Variants in KIF5A observed in about 807,000 individuals in gnomAD.
KIF5A encodes the protein kinesin heavy chain isoform 5A.
A neutral mutation model predicts 141.3 loss-of-function variants in KIF5A; 35 were observed. The ratio of observed to expected loss-of-function variants is 0.25; its 90% CI spans 0.19 to 0.33. The LOEUF (loss-of-function observed/expected upper bound fraction) is 0.33. Ranked by LOEUF, KIF5A falls within the 10% of genes least tolerant of loss-of-function variation. KIF5A has a pLI of 1.00. For missense variants in KIF5A, 861 were observed against 1,314.3 expected (o/e 0.66, Z 5.33); for synonymous variants, 448 against 500.2 (o/e 0.90, Z 1.39).
intron 13 of KIF5A, 85 bp from the exon 14 acceptor site, chr12:57,571,976 G>T: frequency 8.9e-7 from 1 of 1,120,300 alleles, no homozygotes; most frequent in Non-Finnish European, 1.3e-6. Flanking sequence ...TTTGGGTAGG[G>T]TGGGGGCTCA....
intron 21 of KIF5A, 62 bp downstream of exon 21, chr12:57,577,835 C>T (rs1009663425): frequency 2.1e-5 from 30 of 1,428,064 alleles, no homozygotes; most frequent in Admixed American, 1.2e-4. Context: ...TTCATTTCTT[C>T]CTAACCCTAT....
intron 17 of KIF5A, 111 bp from the exon 18 acceptor site, chr12:57,575,976 G>C (rs1430258696): frequency 9.3e-7 from 1 of 1,071,516 alleles, no homozygotes; most frequent in African/African-American, 1.5e-5. Context: ...TAACACAGAA[G>C]AACATCCCTG....
intron 23 of KIF5A, among the ~76,000 whole-genome samples, chr12:57,579,039 A>G (rs980438876): frequency 6.6e-6 from 1 of 152,026 alleles, no homozygotes; most frequent in Non-Finnish European, 1.5e-5. Flanking sequence ...ACTCCAGCCT[A>G]GGTGACAGAG....
At position 57,585,428 on chromosome 12, in the gene KIF5A, A is replaced by G. The variant is rs758822908; in HGVS notation, c.*1247A>G. 3.2e-5 allele frequency: 5 copies of G among 154,450 alleles called. No homozygotes were observed. Among genetic ancestry groups the G allele is most frequent in the Non-Finnish European group, 5.9e-5 (4 of 68,280 alleles). 9.6% of individuals were successfully genotyped at this position (154,450 alleles called of 1,614,324 possible). On this transcript the variant is annotated 3_prime_UTR_variant, in exon 29 of 29. Transcript: ENST00000455537. The stretch of plus-strand genomic sequence containing the variant: ...GACCCTGAGGGGTCTTCTCCCAGCC[A>G]TTCTCAGCCCATATGCAGCACCCTC...
intron 26 of KIF5A, among the ~76,000 whole-genome samples, chr12:57,582,172 A>C (rs1882627268): frequency 6.6e-6 from 1 of 152,126 alleles, no homozygotes; most frequent in African/African-American, 2.4e-5. Flanking sequence ...TGAGCTCAGG[A>C]GCTTAAGGCT....
chr12:57,563,290 C>A, intron 1 of KIF5A, 149 bp from the exon 2 acceptor site: 1 of 708,768 alleles, frequency 1.4e-6, no homozygotes, highest in Non-Finnish European at 2.6e-6. Context: ...CAGGTGTGAG[C>A]CACCACGCCC....
At chr12:57,561,567 T>C (rs920524822) in intron 1 of KIF5A, among the ~76,000 whole-genome samples, 10 of 152,184 alleles carry the variant, frequency 6.6e-5, no homozygotes, top group Non-Finnish European at 1.2e-4. Flanking sequence ...AGGATTTTTT[T>C]CTATAAGCCA....
Position 57,572,866 on chromosome 12 carries a change from AG to A in KIF5A, c.1716+142del, listed in dbSNP as rs1882298535. 1 of 1,046,668 alleles carries A rather than the reference AG, an allele frequency of 9.6e-7. No individual in the cohort carries two copies. The highest frequency in any genetic ancestry group is 1.5e-6 in the Non-Finnish European group (1 of 671,818). The allele number at this position is 1,046,668 out of a possible 1,614,324, so 64.8% of individuals were successfully genotyped here. A position where few individuals can be genotyped will look rare whatever the true frequency, so the allele number is the denominator to read the frequency against. On this transcript the variant is annotated intron_variant, in intron 15 of 28. Transcript: ENST00000455537. This position sits in a 1 kb window ranked among gnomAD's most constrained non-coding sequence, Gnocchi z 4.2. Reference sequence around the variant, plus strand: ...GCCTTTGAACTAGACCCAGGAAGACAGGTAGAGGCTTGTATAGACCCAATTG... The same window carrying A: ...GCCTTTGAACTAGACCCAGGAAGACAGTAGAGGCTTGTATAGACCCAATTG...
chr12:57,573,858 C>T (rs114030046), intron 15 of KIF5A, among the ~76,000 whole-genome samples: 2 of 149,464 alleles, frequency 1.3e-5, no homozygotes, highest in South Asian at 2.1e-4. Flanking sequence ...TTTGGGAGGC[C>T]GAGGCGAGGT....
Position 57,586,207 on chromosome 12 carries a change from TG to T in KIF5A, c.*2027del, listed in dbSNP as rs1882755863. The T allele has an allele frequency of 6.6e-6, 1 of 152,174 alleles. No homozygotes were observed. 9.4% of individuals were successfully genotyped at this position (152,174 alleles called of 1,614,324 possible). A position where few individuals can be genotyped will look rare whatever the true frequency, so the allele number is the denominator to read the frequency against. On this transcript the variant is annotated 3_prime_UTR_variant, in exon 29 of 29. Transcript: ENST00000455537. Reference sequence around the variant, plus strand: ...CCTGTGGACTTAGGCTAATATTTGCTGTCAGCAGGGCACTTAAGAATCCAGG... The same window carrying T: ...CCTGTGGACTTAGGCTAATATTTGCTTCAGCAGGGCACTTAAGAATCCAGG...
chr12:57,563,730 G>C (rs576428046), intron 3 of KIF5A, 37 bp downstream of exon 3: 1 of 1,566,456 alleles, frequency 6.4e-7, no homozygotes, highest in African/African-American at 1.4e-5. Flanking sequence ...GGGGCTAGGA[G>C]TGTTAATGGA....
At chr12:57,559,905 T>A (rs961574445) in intron 1 of KIF5A, among the ~76,000 whole-genome samples, 3 of 152,236 alleles carry the variant, frequency 2.0e-5, no homozygotes, top group Admixed American at 6.5e-5. Context: ...TTATTTATTT[T>A]TTTTGGGACA....
rs756847817 is a variant in KIF5A, at chr12:57,577,782, T to C, written c.2361+9T>C. 6.2e-6 allele frequency: 10 copies of C among 1,610,232 alleles called. No individual in the cohort carries two copies. In the Admixed American group the frequency reaches 1.7e-4, roughly 27 times the overall value. ...GTCTGGAGGAGACAGTTGTGAGTGG[T>C]TCCCTTCTGTGCCAAATTCACAGGA... On this transcript the variant is annotated intron_variant, in intron 21 of 28. Transcript: ENST00000455537.
chr12:57,568,942 C>G, intron 8 of KIF5A, 21 bp from the exon 9 acceptor site: 1 of 1,572,182 alleles, frequency 6.4e-7, no homozygotes, highest in Middle Eastern at 1.7e-4. Context: ...CATACACACT[C>G]ATCTCTTACT....
chr12:57,576,390 C>T lies in KIF5A; in HGVS notation c.2198+12C>T. On this transcript the variant is annotated intron_variant, in intron 19 of 28. Transcript: ENST00000455537. ...GATGAGCTCAAAGAGTAAGGGTTCC[C>T]AAGGGCGACTCCAGCCCCTCCCGGG... 6.2e-7 allele frequency: 1 copy of T among 1,603,048 alleles called. No homozygotes were observed. The highest frequency in any genetic ancestry group is 2.2e-5 in the East Asian group (1 of 44,822).
intron 1 of KIF5A, among the ~76,000 whole-genome samples, chr12:57,560,888 AGCTACTTGGGAGGATT>A (rs1275997678): frequency 6.6e-6 from 1 of 152,078 alleles, no homozygotes; most frequent in African/African-American, 2.4e-5. Flanking sequence ...CTGTGGTCCC[AGCTACTTGGGAGGATT>A]GCTTGGGCCT....
In KIF5A at chr12:57,576,858, C is replaced by G; in HGVS notation, c.2296C>G (p.Leu766Val). 6.2e-7 allele frequency: 1 copy of G among 1,611,982 alleles called. No individual in the cohort carries two copies. The highest frequency in any genetic ancestry group is 8.5e-7 in the Non-Finnish European group (1 of 1,178,296). Residue 766 changes from leucine to valine, a missense_variant, in exon 20 of 29, where the codon CTG (leucine) becomes GTG (valine). By Grantham distance (32) the Leu-to-Val change is conservative (BLOSUM62 1). Coordinates refer to ENST00000455537, the MANE Select transcript of KIF5A (RefSeq NM_004984.4). ...CGAGAAGAGCACCAAGCTGCAGGAG[C>G]TGACGTGAGTGGCATGGATTTACCT... ...EHEKSTKLQE[L>V]TFLYERHEQS...
Position 57,563,262 on chromosome 12 carries a change from C to G in KIF5A, c.130-177C>G, listed in dbSNP as rs1881966025. Among the ~76,000 whole-genome samples the G allele has an allele frequency of 2.0e-5, 3 of 152,142 alleles. 1 individual carries two copies. In the South Asian group the frequency reaches 6.2e-4, roughly 31 times the overall value. The stretch of plus-strand genomic sequence containing the variant: ...CCTCGTGATCCGCCTGCCTCAGCCT[C>G]TTAAAATGATGGGATTACAGGTGTG... On this transcript the variant is annotated intron_variant, in intron 1 of 28. Coordinates refer to ENST00000455537, the MANE Select transcript of KIF5A (RefSeq NM_004984.4).
In KIF5A at chr12:57,575,680, G is replaced by A. The variant is rs1316855645; in HGVS notation, c.1946G>A (p.Ser649Asn). ...CGCTCGCTTACGGAATACATGCAGAGCGTGGAGCTAAAGAAGCGGCACCTG... is the reference window on the plus strand; with the variant it reads ...CGCTCGCTTACGGAATACATGCAGAACGTGGAGCTAAAGAAGCGGCACCTG... ...KIRSLTEYMQ[S>N]VELKKRHLEE... The change falls in exon 17 of 29, where the codon AGC becomes AAC. Residue 649 changes from serine to asparagine, a missense_variant. Ser to Asn is a conservative substitution (Grantham distance 46). Transcript: ENST00000455537. 2.5e-6 allele frequency: 4 copies of A among 1,614,184 alleles called. No individual in the cohort carries two copies. Among genetic ancestry groups the A allele is most frequent in the Admixed American group, 1.7e-5 (1 of 60,018 alleles).
Sources: gnomAD v4.1 joint callset for allele counts (sites outside exome capture counted in the v4.1 genomes callset) on GRCh38, gnomAD v4.1.1 for gene constraint, Gnocchi (gnomAD v3.1) non-coding constraint, MANE v1.5 for transcripts, NCBI Gene and HGNC (gene_info 2026-07-23, HGNC 2026-07-21) for gene names.